ACAP3: variants seen among roughly 807,000 people sequenced by gnomAD.
ACAP3 encodes arf-GAP with coiled-coil, ANK repeat and PH domain-containing protein 3.
ACAP3 carries 56 observed loss-of-function variants against 104.1 expected under a neutral mutation model. That is an observed-to-expected ratio of 0.54 (90% CI 0.43 to 0.67). ACAP3 has a LOEUF of 0.67. Ranked by LOEUF, ACAP3 falls within the 30% of genes least tolerant of loss-of-function variation. The pLI is 0.00. For missense variants in ACAP3, 1,208 were observed against 1,174.9 expected (o/e 1.03, Z -0.41); for synonymous variants, 628 against 496.2 (o/e 1.27, Z -3.53).
chr1:1,306,287 A>G (rs1022915350), intron 1 of ACAP3, among the ~76,000 whole-genome samples: 2 of 152,110 alleles, frequency 1.3e-5, no homozygotes, highest in African/African-American at 4.8e-5. Context: ...AGGGCAGTAC[A>G]GGGCCGTCTG....
chr1:1,299,568 G>A (rs1049825147), intron 9 of ACAP3: 12 of 735,694 alleles, frequency 1.6e-5, no homozygotes, highest in African/African-American at 1.1e-4. Flanking sequence ...CCACAGGCAA[G>A]CAAAGGCCCC....
chr1:1,293,655 C>T lies in ACAP3; in HGVS notation c.2414G>A (p.Gly805Asp), dbSNP rs1480871573. Residue 805 changes from glycine (G) to aspartate (D), a missense_variant, in exon 24 of 24, where the codon GGT (glycine) becomes GAT (aspartate). Physicochemically the swap from Gly to Asp is moderately conservative, Grantham distance 94. Transcript: ENST00000354700. ...EEMREAEAAP[G>D]PPGALAGSPT... is the part of the protein sequence containing the mutation. ...GCTGCCCGCCAGGGCGCCCGGGGGACCAGGGGCAGCCTCGGCCTCGCGCAT... is the reference window on the plus strand; with the variant it reads ...GCTGCCCGCCAGGGCGCCCGGGGGATCAGGGGCAGCCTCGGCCTCGCGCAT... 1 of 1,472,952 alleles carries T rather than the reference C, an allele frequency of 6.8e-7. No homozygotes were observed. The highest frequency in any genetic ancestry group is 1.5e-5 in the African/African-American group (1 of 66,616). The allele number at this position is 1,472,952 out of a possible 1,614,324, so 91.2% of individuals were successfully genotyped here.
intron 19 of ACAP3, 21 bp from the exon 20 acceptor site, chr1:1,294,837 G>T (rs1320757153): frequency 6.5e-7 from 1 of 1,548,298 alleles, no homozygotes. Flanking sequence ...GCAGGGAAGG[G>T]GGTCCTGAGG....
In ACAP3 at chr1:1,302,033, TG is replaced by T; in HGVS notation, c.292del (p.Gln98ArgfsTer40). The T allele has an allele frequency of 6.4e-7, 1 of 1,560,592 alleles. No individual in the cohort carries two copies. The stretch of plus-strand genomic sequence containing the variant: ...CTGCTGCCGCACGGACCTCTGGGCC[TG>T]GTCAAACAGGATCTGGGGGCAGAGG... ...VVNYHMILFD[Q>X]AQRSVRQQLQ... On this transcript the variant is annotated frameshift_variant, in exon 5 of 24. Transcript: ENST00000354700. LOFTEE classifies it high-confidence loss of function.
chr1:1,296,393 C>A, intron 15 of ACAP3, 32 bp downstream of exon 15: 1 of 1,532,218 alleles, frequency 6.5e-7, no homozygotes, highest in Non-Finnish European at 8.7e-7. Context: ...CCAGCCCAAC[C>A]CCCACCCCCA....
intron 5 of ACAP3, among the ~76,000 whole-genome samples, chr1:1,301,047 G>A (rs1248349872): frequency 3.3e-5 from 5 of 152,110 alleles, no homozygotes; most frequent in African/African-American, 7.2e-5. Flanking sequence ...GATTACAGGC[G>A]TGAGCCACTG....
At chr1:1,306,766 G>A (rs947626357) in intron 1 of ACAP3, among the ~76,000 whole-genome samples, 1 of 152,266 alleles carries the variant, frequency 6.6e-6, no homozygotes, top group Non-Finnish European at 1.5e-5. Context: ...TGTTCAAGGA[G>A]ACACTGCACA....
chr1:1,296,376 G>T (rs2100416658), intron 15 of ACAP3, 49 bp downstream of exon 15: 13 of 1,533,064 alleles, frequency 8.5e-6, no homozygotes, highest in Non-Finnish European at 1.1e-5. Context: ...GCCCACCTGT[G>T]GATGCTCCAG....
chr1:1,293,411 C>T lies in ACAP3; in HGVS notation c.*153G>A. The T allele has an allele frequency of 2.7e-6, 2 of 749,814 alleles. No homozygotes were observed. The highest frequency in any genetic ancestry group is 3.6e-6 in the Non-Finnish European group (2 of 552,766). 46.4% of individuals were successfully genotyped at this position (749,814 alleles called of 1,614,324 possible). Reference sequence around the variant, plus strand: ...TCAGTGTGGGGCCCTCGCTCTCCTCCTGGGCGAGCAGGGCCGCGGCGCCCC... The same window carrying T: ...TCAGTGTGGGGCCCTCGCTCTCCTCTTGGGCGAGCAGGGCCGCGGCGCCCC... On this transcript the variant is annotated 3_prime_UTR_variant, in exon 24 of 24. Coordinates refer to ENST00000354700, the MANE Select transcript of ACAP3 (RefSeq NM_030649.3).
rs541785763 is a variant in ACAP3 at position 1,295,914 on chromosome 1, C to T, written c.1527G>A (p.Lys509=). Residue 509 remains lysine, a synonymous_variant, in exon 18 of 24, where the codon AAG becomes AAA. Transcript: ENST00000354700. ...SSRQDKEAWI[K]DKYVEKKFLR... is the part of the protein sequence containing the mutation. ...GAAACTTCTTTTCCACGTATTTGTC[C>T]TTGATCCAGGCCTCCTTGTCCTGCC... The T allele has an allele frequency of 3.1e-6, 5 of 1,612,450 alleles. No individual in the cohort carries two copies. The highest frequency in any genetic ancestry group is 2.2e-5 in the East Asian group (1 of 44,876).
At chr1:1,307,270 C>T in intron 1 of ACAP3, 2 of 1,288,632 alleles carry the variant, frequency 1.6e-6, no homozygotes, top group Non-Finnish European at 2.0e-6. Context: ...CCCCGCCGCT[C>T]TTCTCGGCCG....
intron 6 of ACAP3, 59 bp downstream of exon 6, chr1:1,300,450 G>GT: frequency 6.6e-7 from 1 of 1,520,624 alleles, no homozygotes; most frequent in Non-Finnish European, 8.9e-7. Context: ...GTACAAGGCC[G>GT]TTGAGGCCTC....
At chr1:1,296,734 G>C (rs1372756755) in intron 14 of ACAP3, 101 bp from the exon 15 acceptor site, 1 of 1,281,358 alleles carries the variant, frequency 7.8e-7, no homozygotes, top group Non-Finnish European at 1.1e-6. Context: ...GCAGGCCAGG[G>C]CCCCTCGAGC....
intron 19 of ACAP3, 117 bp downstream of exon 19, chr1:1,295,330 C>A: frequency 2.1e-6 from 2 of 936,996 alleles, no homozygotes; most frequent in African/African-American, 1.6e-5. Context: ...CCAGGAGGCC[C>A]CCCGCCCCTT....
chr1:1,302,592 G>A lies in ACAP3; in HGVS notation c.279+330C>T, dbSNP rs577681362. ...CATCTCACGGGTGCCTGTCCTGTGT[G>A]TCCATCCACGTCAGTGCCAGGGCCC... is the stretch of plus-strand genomic sequence containing the variant. On this transcript the variant is annotated intron_variant, in intron 4 of 23. Coordinates refer to ENST00000354700, the MANE Select transcript of ACAP3 (RefSeq NM_030649.3). 4.7e-3 allele frequency among the ~76,000 whole-genome samples: 712 copies of A among 152,270 alleles called. 7 individuals carry two copies. The highest frequency in any genetic ancestry group is 0.016 in the African/African-American group (658 of 41,548).
At chr1:1,296,151 A>AT (rs1233940144) in intron 16 of ACAP3, 42 bp from the exon 17 acceptor site, 1 of 1,609,824 alleles carries the variant, frequency 6.2e-7, no homozygotes, top group African/African-American at 1.3e-5. Context: ...GCGAACCTGC[A>AT]GACCCCAGCT....
Position 1,295,815 on chromosome 1 carries a change from G to C in ACAP3, c.1626C>G (p.His542Gln), listed in dbSNP as rs1557597928. ...GGGCAGTGGGAGCGCGGGGAGAGCTGTGGGGCCGCAGGCACTTCTGCACCC... is the reference window on the plus strand; with the variant it reads ...GGGCAGTGGGAGCGCGGGGAGAGCTCTGGGGCCGCAGGCACTTCTGCACCC... Reference protein sequence around the residue: ...RWRVQKCLRPHSSPRAPTARR... With the variant: ...RWRVQKCLRPQSSPRAPTARR... Residue 542 changes from histidine to glutamine, a missense_variant, in exon 18 of 24, where the codon CAC becomes CAG. Transcript: ENST00000354700. 8 of 1,610,532 alleles carry C rather than the reference G, an allele frequency of 5.0e-6. No individual in the cohort carries two copies. The highest frequency in any genetic ancestry group is 6.8e-6 in the Non-Finnish European group (8 of 1,179,890).
At chr1:1,295,040 T>G (rs2100401737) in intron 19 of ACAP3, 1 of 572,208 alleles carries the variant, frequency 1.7e-6, no homozygotes, top group Non-Finnish European at 3.1e-6. Flanking sequence ...GCCCAGGCCT[T>G]TTGGGAAGCC....
At position 1,298,394 on chromosome 1, in the gene ACAP3, C is replaced by T; in HGVS notation, c.891G>A (p.Gln297=). The change falls in exon 12 of 24, where the codon CAG becomes CAA. Residue 297 remains glutamine (Q), a synonymous_variant. Coordinates refer to ENST00000354700, the MANE Select transcript of ACAP3 (RefSeq NM_030649.3). ...NRRWFSIQNS[Q]LVYQKKLKDA... is the part of the protein sequence containing the mutation. ...CCTTGAGCTTCTTCTGGTAGACCAGCTGGCTGTTCTGAATGGAGAACCAGC... is the reference window on the plus strand; with the variant it reads ...CCTTGAGCTTCTTCTGGTAGACCAGTTGGCTGTTCTGAATGGAGAACCAGC... 6.2e-7 allele frequency: 1 copy of T among 1,602,408 alleles called. No homozygotes were observed. The highest frequency in any genetic ancestry group is 8.5e-7 in the Non-Finnish European group (1 of 1,174,494).
Sources: allele counts gnomAD v4.1 joint callset (sites outside exome capture counted in the v4.1 genomes callset), GRCh38; gene constraint gnomAD v4.1.1; transcripts MANE v1.5; gene names NCBI Gene and HGNC (gene_info 2026-07-23, HGNC 2026-07-21).